Variants in ARID1A observed in about 807,000 individuals in gnomAD.
ARID1A encodes the protein AT-rich interactive domain-containing protein 1A.
Under a neutral mutation model 212.6 loss-of-function variants are expected in ARID1A, and 20 were observed. That is an observed-to-expected ratio of 0.09 (90% CI 0.07 to 0.14). ARID1A has a LOEUF of 0.14. Among genes scored for constraint, ARID1A ranks in the 10% least tolerant of loss-of-function variants. The pLI, the probability that ARID1A is intolerant of heterozygous loss-of-function variation, is 1.00. For missense variants in ARID1A, 2,587 were observed against 3,059.0 expected, an observed-to-expected ratio of 0.85 and a Z score of 3.64; for synonymous variants, 1,376 against 1,222.1, an observed-to-expected ratio of 1.13 and a Z score of -2.63.
chr1:26,744,364 G>A (rs1284261931), intron 4 of ARID1A, among the ~76,000 whole-genome samples: 1 of 152,190 alleles, frequency 6.6e-6, no homozygotes, highest in African/African-American at 2.4e-5. Flanking sequence ...TCCTCTTGCT[G>A]GAACCTTTTG....
At chr1:26,763,825 G>A (rs955564397) in intron 8 of ARID1A, among the ~76,000 whole-genome samples, 2 of 152,146 alleles carry the variant, frequency 1.3e-5, no homozygotes. Context: ...ACCCTGCTCT[G>A]TTCCCCAGGC....
intron 11 of ARID1A, among the ~76,000 whole-genome samples, chr1:26,768,946 A>G (rs1432338399): frequency 3.3e-5 from 5 of 152,262 alleles, no homozygotes; most frequent in African/African-American, 9.6e-5. Flanking sequence ...CACCAGCAGA[A>G]AAGAAAGTGG....
At chr1:26,713,065 G>T (rs1190180033) in intron 1 of ARID1A, among the ~76,000 whole-genome samples, 1 of 152,236 alleles carries the variant, frequency 6.6e-6, no homozygotes, top group African/African-American at 2.4e-5. Context: ...GTGGTTTCCA[G>T]GAGGAGACTA....
chr1:26,747,284 A>G (rs1048664284), intron 4 of ARID1A, among the ~76,000 whole-genome samples: 1 of 152,236 alleles, frequency 6.6e-6, no homozygotes, highest in Admixed American at 6.5e-5. Flanking sequence ...GTATTGTGAC[A>G]TAATCTGATT....
intron 1 of ARID1A, among the ~76,000 whole-genome samples, chr1:26,714,598 G>T (rs1434521641): frequency 2.6e-5 from 4 of 152,038 alleles, no homozygotes; most frequent in Non-Finnish European, 5.9e-5. Context: ...TGTATTTTTA[G>T]TAGAGATGGG....
At chr1:26,744,977 C>G (rs1347790695) in intron 4 of ARID1A, among the ~76,000 whole-genome samples, 3 of 152,200 alleles carry the variant, frequency 2.0e-5, no homozygotes, top group African/African-American at 7.2e-5. Flanking sequence ...AAAAAATATG[C>G]TTCGTGAATA....
At chr1:26,700,178 G>C (rs938395142) in intron 1 of ARID1A, among the ~76,000 whole-genome samples, 1 of 152,200 alleles carries the variant, frequency 6.6e-6, no homozygotes, top group Non-Finnish European at 1.5e-5. Context: ...TGTAGGTTCA[G>C]ACTTTGTTCT....
chr1:26,777,670 C>G (rs979121100), intron 19 of ARID1A, among the ~76,000 whole-genome samples: 1 of 152,148 alleles, frequency 6.6e-6, no homozygotes, highest in Non-Finnish European at 1.5e-5. Context: ...CAGTGGCTCA[C>G]GCCTGTAATC....
At chr1:26,707,778 T>G (rs556501799) in intron 1 of ARID1A, among the ~76,000 whole-genome samples, 39 of 152,336 alleles carry the variant, frequency 2.6e-4, no homozygotes, top group African/African-American at 8.7e-4. Flanking sequence ...ATTATTAATC[T>G]TCCTCTTTTA....
intron 4 of ARID1A, among the ~76,000 whole-genome samples, chr1:26,743,946 T>C (rs1026761901): frequency 6.6e-5 from 10 of 152,094 alleles, no homozygotes; most frequent in African/African-American, 2.2e-4. Context: ...TCACTAGCGA[T>C]TTTGGTAACC....
chr1:26,697,735 G>T (rs909151970), intron 1 of ARID1A, among the ~76,000 whole-genome samples, 195 bp downstream of exon 1: 8 of 151,722 alleles, frequency 5.3e-5, no homozygotes, highest in African/African-American at 1.9e-4. Context: ...CAGCCTTTGT[G>T]TTGGGTTTTT....
At chr1:26,752,438 G>GACTGAAACTTTATTGT (rs2080893192) in intron 4 of ARID1A, among the ~76,000 whole-genome samples, 1 of 152,182 alleles carries the variant, frequency 6.6e-6, no homozygotes, top group African/African-American at 2.4e-5. Flanking sequence ...AAGAACTTAT[G>GACTGAAACTTTATTGT]ACTGAAACTT....
intron 4 of ARID1A, among the ~76,000 whole-genome samples, chr1:26,747,073 C>T (rs754738090): frequency 6.6e-6 from 1 of 152,074 alleles, no homozygotes; most frequent in African/African-American, 2.4e-5. Context: ...AAAAAAACAA[C>T]ACCATACCTG....
At chr1:26,698,135 C>T (rs1337568498) in intron 1 of ARID1A, among the ~76,000 whole-genome samples, 3 of 152,224 alleles carry the variant, frequency 2.0e-5, no homozygotes, top group Non-Finnish European at 4.4e-5. Flanking sequence ...GTGGCCTGGG[C>T]TTCTCCCTGG....
chr1:26,701,758 T>A (rs2080333814), intron 1 of ARID1A, among the ~76,000 whole-genome samples: 1 of 152,208 alleles, frequency 6.6e-6, no homozygotes, highest in African/African-American at 2.4e-5. Context: ...TATTTTCTCC[T>A]GGGATTCACA....
Position 26,696,173 on chromosome 1 carries a change from G to A in ARID1A, c.-231G>A, listed in dbSNP as rs1030808389. ...CAGAGCCGGGAGCAGCTGAGCCGCCGGCGCCTCGGCCGCCGCCGCCGCCTC... is the reference window on the plus strand; with the variant it reads ...CAGAGCCGGGAGCAGCTGAGCCGCCAGCGCCTCGGCCGCCGCCGCCGCCTC... On this transcript the variant is annotated 5_prime_UTR_variant, in exon 1 of 20. Coordinates refer to ENST00000324856, the MANE Select transcript of ARID1A (RefSeq NM_006015.6). 8.8e-6 allele frequency: 5 copies of A among 565,370 alleles called. No homozygotes were observed. The highest frequency in any genetic ancestry group is 5.9e-5 in the African/African-American group (3 of 50,602). The allele number at this position is 565,370 out of a possible 1,614,324, so 35.0% of individuals were successfully genotyped here.
At chr1:26,743,838 TTC>T (rs1356268162) in intron 4 of ARID1A, among the ~76,000 whole-genome samples, 1 of 152,132 alleles carries the variant, frequency 6.6e-6, no homozygotes, top group African/African-American at 2.4e-5. Flanking sequence ...TTTACACAGT[TTC>T]TGTTCCCTTT....
In ARID1A at chr1:26,744,802, C is replaced by T. The variant is rs2080821634; in HGVS notation, c.1920+12010C>T. ...GAAAAGAAAGCGTGTGCTGACTCAA[C>T]CCTCCATCCTGTGTGAGCAATTCAA... On this transcript the variant is annotated intron_variant, in intron 4 of 19. Transcript: ENST00000324856. 1.3e-5 allele frequency among the ~76,000 whole-genome samples: 2 copies of T among 152,172 alleles called. 1 individual carries two copies. The highest frequency in any genetic ancestry group is 4.1e-4 in the South Asian group (2 of 4,820).
chr1:26,728,257 T>C (rs971660824), intron 1 of ARID1A, among the ~76,000 whole-genome samples: 1 of 152,186 alleles, frequency 6.6e-6, no homozygotes, highest in African/African-American at 2.4e-5. Flanking sequence ...TTCTCTTTTT[T>C]CCCTTTGATA....
Sources: gnomAD v4.1 joint callset for allele counts (sites outside exome capture counted in the v4.1 genomes callset) on GRCh38, gnomAD v4.1.1 for gene constraint, MANE v1.5 for transcripts, NCBI Gene and HGNC (gene_info 2026-07-23, HGNC 2026-07-21) for gene names.